TMIGD3: variants seen among roughly 807,000 people sequenced by gnomAD.
The protein encoded by TMIGD3 is transmembrane and immunoglobulin domain containing 3.
In TMIGD3, 21 loss-of-function variants were observed where a neutral mutation model predicts 28.1. The ratio of observed to expected loss-of-function variants is 0.75; its 90% CI spans 0.53 to 1.08. The LOEUF is 1.08. TMIGD3 is among the 50% of genes least tolerant of loss of function. TMIGD3 has a pLI of 0.00. For synonymous variants in TMIGD3, 151 were observed against 162.1 expected (o/e 0.93, Z 0.52); for missense variants, 416 against 435.6 (o/e 0.96, Z 0.40).
upstream of TMIGD3, among the ~76,000 whole-genome samples, chr1:111,507,031 GTGTGTGTGTATATATATA>G (rs1305677587): frequency 5.6e-5 from 2 of 35,664 alleles, no homozygotes; most frequent in African/African-American, 1.2e-4. Context: ...GTGTGTGTGT[GTGTGTGTGTATATATATA>G]TATATATATA....
chr1:111,497,134 G>A lies in TMIGD3; in HGVS notation c.350+5871C>T, dbSNP rs140231183. 9.9e-5 allele frequency among the ~76,000 whole-genome samples: 15 copies of A among 152,198 alleles called. No homozygotes were observed. In the South Asian group the frequency reaches 1.2e-3, roughly 13 times the overall value. ...AATCTCTCTTTTTTGTTTTTGAGAC[G>A]GAGTGTCGTTCTGTCGCCCAGGCTG... On this transcript the variant is annotated intron_variant, in intron 1 of 5. Transcript: ENST00000369716.
chr1:111,488,856 A>G lies in TMIGD3; in HGVS notation c.626T>C (p.Val209Ala), dbSNP rs771541779. The change falls in exon 3 of 6, where the codon GTG becomes GCG. Residue 209 changes from valine (V) to alanine (A), a missense_variant. Transcript: ENST00000369716. ...CTGGTTCCCTGTGTCCCTCAGGGCC[A>G]CATGATTGGTGCTGTTAGGGGAGAA... ...IAFSPNSTNH[V>A]ALRDTGNQLI... is the part of the protein sequence containing the mutation. 10 of 1,614,116 alleles carry G rather than the reference A, an allele frequency of 6.2e-6. No individual in the cohort carries two copies. The Admixed American group carries it at 1.0e-4, about 16-fold the overall frequency.
chr1:111,531,626 C>A (rs1310997402), intron 1 of TMIGD3, among the ~76,000 whole-genome samples: 1 of 152,118 alleles, frequency 6.6e-6, no homozygotes, highest in Non-Finnish European at 1.5e-5. Context: ...CCTTTACATG[C>A]CAGATGATTT....
chr1:111,490,629 C>T lies in TMIGD3; in HGVS notation c.457+27G>A, dbSNP rs779961958. On this transcript the variant is annotated intron_variant, in intron 2 of 5. Transcript: ENST00000369716. ...TCTGGAAAGGCCACAGCTTAAAGGG[C>T]TGGAGCTGTTCCGTCCCCCATCCTA... 4 of 1,547,612 alleles carry T rather than the reference C, an allele frequency of 2.6e-6. No individual in the cohort carries two copies. The Admixed American group carries it at 6.7e-5, about 26-fold the overall frequency.
intron 3 of TMIGD3, 78 bp from the exon 4 acceptor site, chr1:111,486,730 C>T: frequency 8.2e-7 from 1 of 1,218,416 alleles, no homozygotes. Flanking sequence ...GCAGCTCTGC[C>T]TGTCATTCTA....
chr1:111,488,797 C>G lies in TMIGD3; in HGVS notation c.685G>C (p.Asp229His). 2 of 1,614,208 alleles carry G rather than the reference C, an allele frequency of 1.2e-6. No individual in the cohort carries two copies. The highest frequency in any genetic ancestry group is 3.3e-5 in the Admixed American group (2 of 60,026). ...ATGCCACACCAGTACCAGCCCGTGT[C>G]CTCTTTGGTCAGGCAGGACATAGTG... Reference protein sequence around the residue: ...IVTMSCLTKEDTGWYWCGIQR... With the variant: ...IVTMSCLTKEHTGWYWCGIQR... The change falls in exon 3 of 6, where the codon GAC becomes CAC. Residue 229 changes from aspartate (D) to histidine (H), a missense_variant. By Grantham distance (81) the Asp-to-His change is moderately conservative. Coordinates refer to ENST00000369716, the MANE Select transcript of TMIGD3 (RefSeq NM_020683.7).
rs1268650801 is a variant in TMIGD3, at chr1:111,503,020, A to C, written c.335T>G (p.Val112Gly). 6.2e-7 allele frequency: 1 copy of C among 1,613,874 alleles called. No individual in the cohort carries two copies. The highest frequency in any genetic ancestry group is 2.2e-5 in the East Asian group (1 of 44,894). Reference protein sequence around the residue: ...LAIAVDRYLRVKLTVRFRIPG... With the variant: ...LAIAVDRYLRGKLTVRFRIPG... ...CGCAGGCTACCTGACGGTAAGCTTG[A>C]CCCGCAAGTATCGGTCCACAGCGAT... Residue 112 changes from valine (V) to glycine (G), a missense_variant, in exon 1 of 6, where the codon GTC becomes GGC. By Grantham distance (109) the Val-to-Gly change is moderately radical. Transcript: ENST00000369716.
chr1:111,514,628 T>G (rs1655799016), intron 1 of TMIGD3, among the ~76,000 whole-genome samples: 1 of 121,346 alleles, frequency 8.2e-6, no homozygotes, highest in African/African-American at 2.9e-5. Flanking sequence ...TATATGAGTG[T>G]GCATACAGTA....
In TMIGD3 at chr1:111,503,099, T is replaced by TA; in HGVS notation, c.255dup (p.Met86TyrfsTer74). 1 of 1,614,056 alleles carries TA rather than the reference T, an allele frequency of 6.2e-7. No individual in the cohort carries two copies. Among genetic ancestry groups the TA allele is most frequent in the Non-Finnish European group, 8.5e-7 (1 of 1,180,016 alleles). ...GTAAAGATAAGCAGTAGGCAAGTCA[T>TA]AAAAAGGCAGCTGTAGAAGTGGATT... On this transcript the variant is annotated frameshift_variant, in exon 1 of 6. Transcript: ENST00000369716. LOFTEE classifies it high-confidence loss of function.
intron 1 of TMIGD3, among the ~76,000 whole-genome samples, chr1:111,544,025 A>G (rs1182173420): frequency 6.6e-6 from 1 of 152,208 alleles, no homozygotes; most frequent in Non-Finnish European, 1.5e-5. Context: ...ATTGGAAGTC[A>G]TAGTTTCCAA....
chr1:111,499,728 C>A, intron 1 of TMIGD3: 1 of 1,372,924 alleles, frequency 7.3e-7, no homozygotes, highest in Admixed American at 3.0e-5. Context: ...CCAAGTCAGG[C>A]CTCCAAAACA....
intron 3 of TMIGD3, among the ~76,000 whole-genome samples, chr1:111,488,293 G>T (rs564639253): frequency 6.6e-6 from 1 of 151,962 alleles, no homozygotes; most frequent in African/African-American, 2.4e-5. Context: ...CGCAATCTCG[G>T]CTCACTGCAA....
At chr1:111,549,287 A>C (rs1265282674) in intron 1 of TMIGD3, among the ~76,000 whole-genome samples, 1 of 150,030 alleles carries the variant, frequency 6.7e-6, no homozygotes, top group Non-Finnish European at 1.5e-5. Context: ...AGAATTTATC[A>C]GTGAAGCCAT....
At chr1:111,504,098 A>G (rs554334383), upstream of TMIGD3, 4 of 985,418 alleles carry the variant, frequency 4.1e-6, no homozygotes, top group East Asian at 4.5e-4. Context: ...AGCACAGCCG[A>G]TACCCAGCCT....
Position 111,488,804 on chromosome 1 carries a change from G to C in TMIGD3, c.678C>G (p.Thr226=), listed in dbSNP as rs1011510826. ...NQLIVTMSCL[T]KEDTGWYWCG... is the part of the protein sequence containing the mutation. ...ACCAGTACCAGCCCGTGTCCTCTTT[G>C]GTCAGGCAGGACATAGTGACAATGA... Residue 226 remains threonine (T), a synonymous_variant, in exon 3 of 6, where the codon ACC becomes ACG. Coordinates refer to ENST00000369716, the MANE Select transcript of TMIGD3 (RefSeq NM_020683.7). 1 of 1,614,210 alleles carries C rather than the reference G, an allele frequency of 6.2e-7. No individual in the cohort carries two copies. Among genetic ancestry groups the C allele is most frequent in the Non-Finnish European group, 8.5e-7 (1 of 1,180,040 alleles).
At chr1:111,490,380 C>T in intron 2 of TMIGD3, 1 of 430,544 alleles carries the variant, frequency 2.3e-6, no homozygotes, top group Non-Finnish European at 4.2e-6. Flanking sequence ...CTAATCTACT[C>T]TGTATCATTC....
chr1:111,528,388 G>T lies in TMIGD3; in HGVS notation c.107+35458C>A, dbSNP rs1293775369. The stretch of plus-strand genomic sequence containing the variant: ...CACTGATCTACTTGTCTGTTCATTT[G>T]CCAATACTACACTGTCTTGATTATT... On this transcript the variant is annotated intron_variant, in intron 1 of 5. Transcript: ENST00000369717. 2.0e-5 allele frequency among the ~76,000 whole-genome samples: 3 copies of T among 152,066 alleles called. No individual in the cohort carries two copies. The East Asian group carries it at 5.8e-4, about 29-fold the overall frequency.
chr1:111,513,852 T>C (rs1170009745), intron 1 of TMIGD3, among the ~76,000 whole-genome samples: 1 of 152,144 alleles, frequency 6.6e-6, no homozygotes, highest in Non-Finnish European at 1.5e-5. Flanking sequence ...ATGGAACAAA[T>C]GACCAACGTG....
At chr1:111,503,973 T>C, upstream of TMIGD3, 1 of 985,402 alleles carries the variant, frequency 1.0e-6, no homozygotes, top group African/African-American at 1.7e-5. Flanking sequence ...AAAGATCTCA[T>C]GATAAGGAGG....
Sources: gnomAD v4.1 joint callset for allele counts (sites outside exome capture counted in the v4.1 genomes callset) on GRCh38, gnomAD v4.1.1 for gene constraint, MANE v1.5 for transcripts, NCBI Gene and HGNC (gene_info 2026-07-23, HGNC 2026-07-21) for gene names.